AQR: variants seen among roughly 807,000 people sequenced by gnomAD.
The protein encoded by AQR is aquarius intron-binding spliceosomal factor.
Under a neutral mutation model 180.5 loss-of-function variants are expected in AQR, and 61 were observed. That is an observed-to-expected ratio of 0.34 (90% CI 0.28 to 0.42). The LOEUF (loss-of-function observed/expected upper bound fraction) is 0.42. AQR is among the 10% of genes least tolerant of loss of function. The pLI, the probability that AQR is intolerant of heterozygous loss-of-function variation, is 1.00. For synonymous variants in AQR, 551 were observed against 588.8 expected (o/e 0.94, Z 0.93); for missense variants, 1,281 against 1,798.3 (o/e 0.71, Z 5.20).
At chr15:34,895,148 T>G (rs1170261049) in intron 22 of AQR, among the ~76,000 whole-genome samples, 3 of 36,362 alleles carry the variant, frequency 8.3e-5, no homozygotes, top group Non-Finnish European at 1.4e-4. Flanking sequence ...GGCTAAAAAG[T>G]AAGACTGTCT....
At chr15:34,870,555 AAT>A (rs1892802410) in intron 31 of AQR, among the ~76,000 whole-genome samples, 195 bp downstream of exon 31, 1 of 152,132 alleles carries the variant, frequency 6.6e-6, no homozygotes, top group Non-Finnish European at 1.5e-5. Flanking sequence ...ACCATCAATA[AAT>A]ATCTTTTATG....
chr15:34,890,879 T>C (rs1893134840), intron 23 of AQR, among the ~76,000 whole-genome samples: 1 of 152,234 alleles, frequency 6.6e-6, no homozygotes, highest in African/African-American at 2.4e-5. Flanking sequence ...CACTACTTTC[T>C]ATCTGTGAAA....
At chr15:34,968,838 A>G (rs2050327295) in intron 1 of AQR, among the ~76,000 whole-genome samples, 1 of 152,224 alleles carries the variant, frequency 6.6e-6, no homozygotes, top group Non-Finnish European at 1.5e-5. Context: ...GCCCTGGCAA[A>G]TCTGTTGAGA....
At chr15:34,946,761 G>A (rs1333726070) in intron 5 of AQR, among the ~76,000 whole-genome samples, 1 of 146,990 alleles carries the variant, frequency 6.8e-6, no homozygotes, top group East Asian at 2.1e-4. Context: ...AGGGAGGTGG[G>A]GGGGTCAGCC....
intron 15 of AQR, among the ~76,000 whole-genome samples, chr15:34,915,397 G>A (rs560532105): frequency 2.0e-5 from 3 of 151,504 alleles, no homozygotes; most frequent in African/African-American, 4.8e-5. Flanking sequence ...TCACTATGTT[G>A]GCCAGGCTGG....
chr15:34,870,848 G>C lies in AQR; in HGVS notation c.3672C>G (p.Ile1224Met). The C allele has an allele frequency of 6.2e-7, 1 of 1,613,374 alleles. No individual in the cohort carries two copies. The highest frequency in any genetic ancestry group is 8.5e-7 in the Non-Finnish European group (1 of 1,179,630). ...MCLLGYPADKISILTTYNGQK... is the reference protein window; with the variant it reads ...MCLLGYPADKMSILTTYNGQK... ...GGCCATTATATGTTGTTAGAATACTGATTTTGTCAGCAGGGTAACCAAGTA... is the reference window on the plus strand; with the variant it reads ...GGCCATTATATGTTGTTAGAATACTCATTTTGTCAGCAGGGTAACCAAGTA... The change falls in exon 31 of 35, where the codon ATC becomes ATG. Residue 1224 changes from isoleucine (I) to methionine (M), a missense_variant. Physicochemically the swap from Ile to Met is conservative, Grantham distance 10. Around this residue, in one of 9 missense-constraint regions of AQR, gnomAD observed 197 missense variants for 320.7 expected, o/e 0.61. Transcript: ENST00000156471.
intron 15 of AQR, among the ~76,000 whole-genome samples, chr15:34,917,770 C>T (rs1595796637): frequency 1.3e-5 from 2 of 150,514 alleles, no homozygotes; most frequent in East Asian, 2.0e-4. Context: ...ATCGCTTGAG[C>T]TCAGGAGTTC....
In AQR at chr15:34,895,851, G is replaced by A. The variant is rs1174468117; in HGVS notation, c.2460+1046C>T. Among the ~76,000 whole-genome samples the A allele has an allele frequency of 2.6e-5, 4 of 151,688 alleles. No individual in the cohort carries two copies. The South Asian group carries it at 6.2e-4, about 24-fold the overall frequency. On this transcript the variant is annotated intron_variant, in intron 22 of 34. Transcript: ENST00000156471. ...AATTAAATAATAACATCAACAAAAT[G>A]GATCTAATCAACATTTATAGCACAA...
At chr15:34,926,581 G>A (rs2123049) in intron 13 of AQR, among the ~76,000 whole-genome samples, 2 of 152,136 alleles carry the variant, frequency 1.3e-5, no homozygotes, top group Non-Finnish European at 2.9e-5. Context: ...CTATCACATA[G>A]TAAATAAATG....
chr15:34,930,838 TTTTTTTTTTTTGGTC>T (rs1566991690), intron 11 of AQR, among the ~76,000 whole-genome samples: 2 of 35,658 alleles, frequency 5.6e-5, no homozygotes, highest in East Asian at 2.1e-3. Flanking sequence ...TTTTTTTTTT[TTTTTTTTTTTTGGTC>T]TGAGACGGAG....
chr15:34,946,725 C>T (rs1342522087), intron 5 of AQR, among the ~76,000 whole-genome samples: 2 of 141,198 alleles, frequency 1.4e-5, no homozygotes, highest in Non-Finnish European at 3.1e-5. Context: ...AGCCCCCCAC[C>T]CGGCCAGCCG....
intron 9 of AQR, among the ~76,000 whole-genome samples, chr15:34,935,384 A>G (rs550282164): frequency 1.3e-5 from 2 of 152,276 alleles, no homozygotes; most frequent in East Asian, 3.9e-4. Context: ...GTTGGTTTCA[A>G]TTAAAACAAA....
chr15:34,966,987 C>T (rs1296457411), intron 1 of AQR, among the ~76,000 whole-genome samples: 1 of 150,906 alleles, frequency 6.6e-6, no homozygotes, highest in Non-Finnish European at 1.5e-5. Flanking sequence ...AGTGATTCTC[C>T]TGCCTCAGCC....
rs952623310 is a variant in AQR at position 34,868,829 on chromosome 15, G to T, written c.3769-1220C>A. On this transcript the variant is annotated intron_variant, in intron 31 of 34. Coordinates refer to ENST00000156471, the MANE Select transcript of AQR (RefSeq NM_014691.3). ...GAGATATATTCATGTATGTGTACAT[G>T]AGAAATTCATACCTTTTTGAGTATT... 3 of 152,100 alleles carry T rather than the reference G, an allele frequency of 2.0e-5. 1 individual carries two copies. The highest frequency in any genetic ancestry group is 4.1e-4 in the South Asian group (2 of 4,838). The allele number at this position is 152,100 out of a possible 1,614,324, so 9.4% of individuals were successfully genotyped here.
At chr15:34,941,698 ATACTC>A (rs890898698) in intron 7 of AQR, among the ~76,000 whole-genome samples, 4 of 152,226 alleles carry the variant, frequency 2.6e-5, no homozygotes, top group African/African-American at 9.6e-5. Context: ...AGCTATATAT[ATACTC>A]TAATCAAGGA....
At position 34,856,436 on chromosome 15, in the gene AQR, C is replaced by T. The variant is rs948678498; in HGVS notation, c.*356G>A. 1.0e-5 allele frequency: 4 copies of T among 398,092 alleles called. No homozygotes were observed. Among genetic ancestry groups the T allele is most frequent in the African/African-American group, 4.1e-5 (2 of 48,582 alleles). The allele number at this position is 398,092 out of a possible 1,614,324, so 24.7% of individuals were successfully genotyped here. ...CCCAATTTGGACACTCAAGGGTATT[C>T]GTGGTTAAGTCCAGTATATTCTGTC... On this transcript the variant is annotated 3_prime_UTR_variant, in exon 35 of 35. Transcript: ENST00000156471.
intron 32 of AQR, among the ~76,000 whole-genome samples, chr15:34,867,278 C>T (rs150727398): frequency 4.6e-5 from 7 of 152,096 alleles, no homozygotes; most frequent in Non-Finnish European, 7.4e-5. Context: ...TATGATAAAA[C>T]GCTATCTCTG....
intron 2 of AQR, among the ~76,000 whole-genome samples, chr15:34,962,334 T>C (rs2050284427): frequency 6.6e-6 from 1 of 152,164 alleles, no homozygotes; most frequent in Non-Finnish European, 1.5e-5. Flanking sequence ...TAATATCTTT[T>C]AATTGCTCCA....
intron 32 of AQR, among the ~76,000 whole-genome samples, chr15:34,865,270 C>A (rs889772365): frequency 5.3e-5 from 8 of 152,088 alleles, no homozygotes; most frequent in African/African-American, 1.7e-4. Context: ...AGGTTACGTG[C>A]ATTTCTATTG....
Sources: allele counts gnomAD v4.1 joint callset (sites outside exome capture counted in the v4.1 genomes callset), GRCh38; gene constraint gnomAD v4.1.1; regional missense constraint gnomAD v4.1.1; transcripts MANE v1.5; gene names NCBI Gene and HGNC (gene_info 2026-07-23, HGNC 2026-07-21).